Variants in SRPK2 observed in about 807,000 individuals in gnomAD.
SRPK2 encodes SFRS protein kinase 2.
SRPK2 carries 21 observed loss-of-function variants against 90.8 expected under a neutral mutation model. That is an observed-to-expected ratio of 0.23 (90% CI 0.16 to 0.33). The LOEUF (loss-of-function observed/expected upper bound fraction) is 0.33. SRPK2 is among the 10% of genes least tolerant of loss of function. SRPK2 has a pLI of 1.00. For synonymous variants in SRPK2, 288 were observed against 311.1 expected (o/e 0.93, Z 0.78); for missense variants, 620 against 869.0 (o/e 0.71, Z 3.60).
intron 2 of SRPK2, among the ~76,000 whole-genome samples, chr7:105,277,211 G>C (rs904579951): frequency 6.6e-6 from 1 of 151,980 alleles, no homozygotes; most frequent in Admixed American, 6.6e-5. Context: ...CGAGTAGCTG[G>C]GACTACAGGC....
Position 105,203,743 on chromosome 7 carries a change from T to C in SRPK2, c.114A>G (p.Pro38=). The part of the protein sequence containing the change: ...QQKAPLVPPP[P]PPPPPPPPPL... The stretch of plus-strand genomic sequence containing the variant: ...GTGGCGGTGGTGGTGGTGGTGGCGG[T>C]GGAGGAGGAGGAACTAAAGGAGCTT... The change falls in exon 3 of 16, where the codon CCA becomes CCG. Residue 38 remains proline, a synonymous_variant. Coordinates refer to ENST00000393651, the MANE Select transcript of SRPK2 (RefSeq NM_182692.3). 6.2e-7 allele frequency: 1 copy of C among 1,605,202 alleles called. No individual in the cohort carries two copies. The highest frequency in any genetic ancestry group is 8.5e-7 in the Non-Finnish European group (1 of 1,175,876).
intron 2 of SRPK2, among the ~76,000 whole-genome samples, chr7:105,217,276 C>T (rs996101904): frequency 6.6e-6 from 1 of 151,944 alleles, no homozygotes; most frequent in African/African-American, 2.4e-5. Context: ...CATACTTCTA[C>T]AAGGCAATAT....
In SRPK2 at chr7:105,147,971, G is replaced by A. The variant is rs549694947; in HGVS notation, c.622-1313C>T. 5.3e-5 allele frequency among the ~76,000 whole-genome samples: 8 copies of A among 152,180 alleles called. No individual in the cohort carries two copies. In the South Asian group the frequency reaches 6.2e-4, roughly 12 times the overall value. On this transcript the variant is annotated intron_variant, in intron 7 of 15. Transcript: ENST00000393651. ...AAAAATAATACTGCTATTCACACTC[G>A]TGTATACATTTTTGTGTGAACATAC...
chr7:105,275,484 T>C (rs1399707107), intron 2 of SRPK2, among the ~76,000 whole-genome samples: 1 of 152,190 alleles, frequency 6.6e-6, no homozygotes, highest in East Asian at 1.9e-4. Context: ...ATAACTCTTT[T>C]ATTCTTGTTT....
At chr7:105,296,706 T>C (rs1294703170) in intron 2 of SRPK2, among the ~76,000 whole-genome samples, 2 of 152,218 alleles carry the variant, frequency 1.3e-5, no homozygotes, top group South Asian at 2.1e-4. Context: ...GGAAAGCCTA[T>C]GAGGCTATTA....
At chr7:105,124,938 C>G (rs1800956035) in intron 15 of SRPK2, among the ~76,000 whole-genome samples, 1 of 151,758 alleles carries the variant, frequency 6.6e-6, no homozygotes, top group Non-Finnish European at 1.5e-5. Flanking sequence ...TTGAGACCAG[C>G]CTGGCCAACA....
At position 105,170,949 on chromosome 7, in the gene SRPK2, AAGAAAGAAAGAAAGAAAG is replaced by A. The variant is rs1191867932; in HGVS notation, c.230-1702_230-1685del. Among the ~76,000 whole-genome samples, 67 of 41,016 alleles carry A rather than the reference AAGAAAGAAAGAAAGAAAG, an allele frequency of 1.6e-3. 6 individuals are homozygous for A. The highest frequency in any genetic ancestry group is 2.8e-3 in the African/African-American group (37 of 13,004). The allele number at this position is 41,016 out of a possible 152,430, so 26.9% of individuals were successfully genotyped here. On this transcript the variant is annotated intron_variant, in intron 3 of 15. Coordinates refer to ENST00000393651, the MANE Select transcript of SRPK2 (RefSeq NM_182692.3). ...AAAAGAAAAAGGAAAGAAAGAAAGAAAGAAAGAAAGAAAGAAAGAGAAAGAAAGAGAAAGAAAGAAAGA... is the reference window on the plus strand; with the variant it reads ...AAAAGAAAAAGGAAAGAAAGAAAGAAAGAAAGAAAGAGAAAGAAAGAAAGA...
intron 2 of SRPK2, among the ~76,000 whole-genome samples, chr7:105,258,473 A>C (rs899098594): frequency 6.6e-6 from 1 of 152,006 alleles, no homozygotes; most frequent in Non-Finnish European, 1.5e-5. Flanking sequence ...CAAATGTGAC[A>C]AAAAAACACC....
At position 105,388,873 on chromosome 7, in the gene SRPK2, T is replaced by TGCAGCCTCCACTCGCTCCGCC; in HGVS notation, c.-88_-68dup. On this transcript the variant is annotated 5_prime_UTR_variant, in exon 1 of 16. Transcript: ENST00000393651. Reference sequence around the variant, plus strand: ...ACGCGGGCGCCGAGACGAGCTGGGCTGCAGCCTCCACTCGCTCCGCCGGCC... The same window carrying TGCAGCCTCCACTCGCTCCGCC: ...ACGCGGGCGCCGAGACGAGCTGGGCTGCAGCCTCCACTCGCTCCGCCGCAGCCTCCACTCGCTCCGCCGGCC... 7.8e-7 allele frequency: 1 copy of TGCAGCCTCCACTCGCTCCGCC among 1,273,988 alleles called. No individual in the cohort carries two copies. Among genetic ancestry groups the TGCAGCCTCCACTCGCTCCGCC allele is most frequent in the East Asian group, 3.2e-5 (1 of 31,108 alleles). 78.9% of individuals were successfully genotyped at this position (1,273,988 alleles called of 1,614,324 possible). A position where few individuals can be genotyped will look rare whatever the true frequency, so the allele number is the denominator to read the frequency against.
chr7:105,313,954 A>G (rs1812023363), intron 2 of SRPK2, among the ~76,000 whole-genome samples: 1 of 152,244 alleles, frequency 6.6e-6, no homozygotes, highest in African/African-American at 2.4e-5. Context: ...CACCTCATTT[A>G]TATCCAAAAA....
chr7:105,186,274 C>G (rs1793566735), intron 3 of SRPK2, among the ~76,000 whole-genome samples: 1 of 152,060 alleles, frequency 6.6e-6, no homozygotes, highest in Admixed American at 6.6e-5. Context: ...GGGGTTTGGG[C>G]TTCCGGTATA....
intron 2 of SRPK2, among the ~76,000 whole-genome samples, chr7:105,281,208 T>C (rs1170396922): frequency 1.3e-5 from 2 of 151,802 alleles, no homozygotes; most frequent in Non-Finnish European, 2.9e-5. Flanking sequence ...GTGATTCTCC[T>C]GTCTCAGCCT....
At chr7:105,223,109 C>T (rs1373034383) in intron 2 of SRPK2, among the ~76,000 whole-genome samples, 1 of 152,192 alleles carries the variant, frequency 6.6e-6, no homozygotes, top group Non-Finnish European at 1.5e-5. Flanking sequence ...CAGCCCAGGG[C>T]CCCAGTCGAG....
At chr7:105,188,002 T>C (rs1040694460) in intron 3 of SRPK2, among the ~76,000 whole-genome samples, 3 of 152,128 alleles carry the variant, frequency 2.0e-5, no homozygotes, top group Admixed American at 2.0e-4. Flanking sequence ...GTGATTACCA[T>C]ATGACCCAGC....
intron 2 of SRPK2, among the ~76,000 whole-genome samples, chr7:105,336,840 T>C (rs1815149393): frequency 6.6e-6 from 1 of 152,200 alleles, no homozygotes; most frequent in South Asian, 2.1e-4. Flanking sequence ...TCTCGCTCTG[T>C]TGCCCAGGCT....
In SRPK2 at chr7:105,120,763, G is replaced by A. The variant is rs1185957189; in HGVS notation, c.1916-2741C>T. On this transcript the variant is annotated intron_variant, in intron 15 of 15. Coordinates refer to ENST00000393651, the MANE Select transcript of SRPK2 (RefSeq NM_182692.3). Reference sequence around the variant, plus strand: ...AATGATTATGTGTGCAAACCCTTAAGCTCAGTATAAGAAGTAACCTTGCCC... The same window carrying A: ...AATGATTATGTGTGCAAACCCTTAAACTCAGTATAAGAAGTAACCTTGCCC... 2.0e-5 allele frequency among the ~76,000 whole-genome samples: 3 copies of A among 152,042 alleles called. No homozygotes were observed. The East Asian group carries it at 5.8e-4, about 29-fold the overall frequency.
At chr7:105,156,405 G>C (rs1419588274) in intron 7 of SRPK2, among the ~76,000 whole-genome samples, 1 of 152,122 alleles carries the variant, frequency 6.6e-6, no homozygotes, top group African/African-American at 2.4e-5. Context: ...ATTATACCTG[G>C]CACATAGTAA....
At chr7:105,275,338 C>T (rs775290977) in intron 2 of SRPK2, among the ~76,000 whole-genome samples, 1 of 152,142 alleles carries the variant, frequency 6.6e-6, no homozygotes, top group East Asian at 1.9e-4. Flanking sequence ...TATTAATCAA[C>T]TTTCTTGATT....
intron 3 of SRPK2, among the ~76,000 whole-genome samples, chr7:105,197,119 G>A (rs1384158620): frequency 6.6e-6 from 1 of 152,012 alleles, no homozygotes; most frequent in Non-Finnish European, 1.5e-5. Context: ...AAGGAGAAAG[G>A]GAGGAGGGAT....
Sources: allele counts gnomAD v4.1 joint callset (sites outside exome capture counted in the v4.1 genomes callset), GRCh38; gene constraint gnomAD v4.1.1; transcripts MANE v1.5; gene names NCBI Gene and HGNC (gene_info 2026-07-23, HGNC 2026-07-21).